Variants in SPHKAP observed in about 807,000 individuals in gnomAD.
SPHKAP encodes the protein SPHK1 interactor, AKAP domain containing, also known as A-kinase anchor protein SPHKAP.
Under a neutral mutation model 137.5 loss-of-function variants are expected in SPHKAP, and 67 were observed. That is an observed-to-expected ratio of 0.49 (90% CI 0.40 to 0.60). The LOEUF is 0.60. Among genes scored for constraint, SPHKAP ranks in the 20% least tolerant of loss-of-function variants. The pLI is 0.00. For missense variants in SPHKAP, 2,097 were observed against 2,069.3 expected (o/e 1.01, Z -0.26); for synonymous variants, 813 against 785.3 (o/e 1.04, Z -0.59).
chr2:228,181,520 G>C lies in SPHKAP; in HGVS notation c.32+47C>G, dbSNP rs770484597. ...TGGTGAGCGACTCACAACGCGGAACGGAGTTTGATCGACATGGTATTGGGC... is the reference window on the plus strand; with the variant it reads ...TGGTGAGCGACTCACAACGCGGAACCGAGTTTGATCGACATGGTATTGGGC... On this transcript the variant is annotated intron_variant, in intron 1 of 11. Coordinates refer to ENST00000392056, the MANE Select transcript of SPHKAP (RefSeq NM_001142644.2). The surrounding 1 kb of genome is among the most constrained non-coding windows in gnomAD (Gnocchi z 4.3). 6.2e-7 allele frequency: 1 copy of C among 1,614,064 alleles called. No homozygotes were observed. The highest frequency in any genetic ancestry group is 1.1e-5 in the South Asian group (1 of 91,088).
chr2:227,990,839 T>G (rs1693385786), intron 11 of SPHKAP, 161 bp downstream of exon 11: 1 of 709,624 alleles, frequency 1.4e-6, no homozygotes, highest in Non-Finnish European at 2.3e-6. Flanking sequence ...ATATTATATT[T>G]ACACAGGTGG....
chr2:228,134,073 GAGAGAAA>G (rs1418205136), intron 1 of SPHKAP, among the ~76,000 whole-genome samples: 1 of 150,396 alleles, frequency 6.6e-6, no homozygotes, highest in Non-Finnish European at 1.5e-5. Context: ...AAGAAAAAGA[GAGAGAAA>G]GAAGAAAGAA....
intron 1 of SPHKAP, chr2:228,132,615 A>T: frequency 2.6e-6 from 1 of 390,880 alleles, no homozygotes. Flanking sequence ...CTCTATCTCC[A>T]AAATTATAGA....
rs995986227 is a variant in SPHKAP at position 228,020,485 on chromosome 2, G to A, written c.698-329C>T. Among the ~76,000 whole-genome samples the A allele has an allele frequency of 1.6e-4, 25 of 152,222 alleles. No individual in the cohort carries two copies. In the East Asian group the frequency reaches 1.7e-3, roughly 11 times the overall value. On this transcript the variant is annotated intron_variant, in intron 6 of 11. Coordinates refer to ENST00000392056, the MANE Select transcript of SPHKAP (RefSeq NM_001142644.2). The stretch of plus-strand genomic sequence containing the variant: ...TCACAAGGACAGAAAACCAAACACC[G>A]CATGTTCTCACTCATAGGTGGGAAT...
In SPHKAP at chr2:227,999,022, G is replaced by A. The variant is rs190980235; in HGVS notation, c.4449-3328C>T. Among the ~76,000 whole-genome samples the A allele has an allele frequency of 5.5e-4, 83 of 152,194 alleles. 3 individuals are homozygous for A. The East Asian group carries it at 0.012, about 22-fold the overall frequency. The stretch of plus-strand genomic sequence containing the variant: ...AATCTTAGAATTAGTACTGTTATCC[G>A]TTCTCTGAGAATGGTTATATTTTAA... On this transcript the variant is annotated intron_variant, in intron 7 of 11. Coordinates refer to ENST00000392056, the MANE Select transcript of SPHKAP (RefSeq NM_001142644.2).
intron 1 of SPHKAP, among the ~76,000 whole-genome samples, chr2:228,154,594 G>T (rs1700049895): frequency 8.2e-6 from 1 of 121,908 alleles, no homozygotes; most frequent in Admixed American, 9.7e-5. Context: ...TGTCACCCAG[G>T]CTGGAGTGCA....
At chr2:227,991,759 A>G (rs1446179688) in intron 9 of SPHKAP, 4 of 749,260 alleles carry the variant, frequency 5.3e-6, no homozygotes, top group East Asian at 2.6e-4. Context: ...TTTTTTTTCT[A>G]TACTACAATA....
At chr2:228,042,659 C>T (rs957632023) in intron 3 of SPHKAP, among the ~76,000 whole-genome samples, 1 of 152,128 alleles carries the variant, frequency 6.6e-6, no homozygotes, top group South Asian at 2.1e-4. Context: ...TTTCTGAGAA[C>T]ATAAAACAAT....
At chr2:228,123,699 T>C (rs941389193) in intron 2 of SPHKAP, among the ~76,000 whole-genome samples, 2 of 152,288 alleles carry the variant, frequency 1.3e-5, no homozygotes, top group South Asian at 2.1e-4. Flanking sequence ...TTCACTCTGA[T>C]GGTAGTTTGT....
chr2:228,069,174 G>T (rs546156570), intron 3 of SPHKAP, among the ~76,000 whole-genome samples: 1 of 152,236 alleles, frequency 6.6e-6, no homozygotes, highest in African/African-American at 2.4e-5. Context: ...GGCTGACATG[G>T]GAGAATCGCT....
At position 228,165,266 on chromosome 2, in the gene SPHKAP, A is replaced by G. The variant is rs114269976; in HGVS notation, c.32+16301T>C. ...TATCCATTTCCCCAAAGTCCTGGTC[A>G]CTTCAAACACTGTTAGAAGTCCCAC... is the stretch of plus-strand genomic sequence containing the variant. On this transcript the variant is annotated intron_variant, in intron 1 of 11. Coordinates refer to ENST00000392056, the MANE Select transcript of SPHKAP (RefSeq NM_001142644.2). Among the ~76,000 whole-genome samples the G allele has an allele frequency of 6.8e-3, 1,030 of 152,128 alleles. 16 individuals are homozygous for G. The highest frequency in any genetic ancestry group is 0.023 in the African/African-American group (962 of 41,498).
intron 3 of SPHKAP, among the ~76,000 whole-genome samples, chr2:228,104,261 CATT>C (rs10584817): frequency 0.27 from 37,653 of 141,540 alleles, 5,136 homozygotes; most frequent in Admixed American, 0.37. Context: ...TTATATATAT[CATT>C]ATATTATATA....
chr2:228,132,919 G>A (rs1335094679), intron 1 of SPHKAP, among the ~76,000 whole-genome samples: 5 of 151,798 alleles, frequency 3.3e-5, no homozygotes, highest in Non-Finnish European at 5.9e-5. Flanking sequence ...TATGAGAATC[G>A]TTTGAACCCG....
chr2:228,052,023 C>T (rs1220972648), intron 3 of SPHKAP, among the ~76,000 whole-genome samples: 1 of 152,016 alleles, frequency 6.6e-6, no homozygotes, highest in Non-Finnish European at 1.5e-5. Context: ...TAGACCATAC[C>T]AATTCTAGCC....
At chr2:228,158,937 A>G (rs1700191835) in intron 1 of SPHKAP, among the ~76,000 whole-genome samples, 1 of 152,164 alleles carries the variant, frequency 6.6e-6, no homozygotes, top group Non-Finnish European at 1.5e-5. Context: ...CTCTCCGAAT[A>G]TGTCTTGCAT....
At chr2:228,133,079 G>A (rs956252738) in intron 1 of SPHKAP, among the ~76,000 whole-genome samples, 4 of 152,062 alleles carry the variant, frequency 2.6e-5, no homozygotes, top group Non-Finnish European at 5.9e-5. Flanking sequence ...GGCCGAGGCC[G>A]GTGGATTGCC....
At chr2:228,037,749 C>CA (rs1165771199) in intron 3 of SPHKAP, among the ~76,000 whole-genome samples, 1 of 152,156 alleles carries the variant, frequency 6.6e-6, no homozygotes, top group Non-Finnish European at 1.5e-5. Flanking sequence ...GAATATTTTA[C>CA]AAAAACACAT....
chr2:228,162,483 C>A (rs946852020), intron 1 of SPHKAP, among the ~76,000 whole-genome samples: 2 of 152,072 alleles, frequency 1.3e-5, no homozygotes, highest in Non-Finnish European at 2.9e-5. Flanking sequence ...AGTGGTTTGG[C>A]AATTTTAAAT....
chr2:228,137,815 A>G (rs774365578), intron 1 of SPHKAP, among the ~76,000 whole-genome samples: 15 of 152,224 alleles, frequency 9.9e-5, no homozygotes, highest in African/African-American at 1.9e-4. Flanking sequence ...ACACAGTTCA[A>G]AATGAAAGTT....
Sources: allele counts gnomAD v4.1 joint callset (sites outside exome capture counted in the v4.1 genomes callset), GRCh38; gene constraint gnomAD v4.1.1; non-coding constraint Gnocchi (gnomAD v3.1); transcripts MANE v1.5; gene names NCBI Gene and HGNC (gene_info 2026-07-23, HGNC 2026-07-21).